The following C12orf75 variants were observed in gnomAD, a reference collection of about 807,000 sequenced individuals.
The protein encoded by C12orf75 is chromosome 12 open reading frame 75.
C12orf75 carries 4 observed loss-of-function variants against 11.4 expected under a neutral mutation model. The observed-to-expected ratio is 0.35, with a 90% CI of 0.17 to 0.80. The LOEUF (loss-of-function observed/expected upper bound fraction) is 0.80. Among genes scored for constraint, C12orf75 ranks in the 30% least tolerant of loss-of-function variants. C12orf75 has a pLI of 0.52. For missense variants in C12orf75, 89 were observed against 80.4 expected, an observed-to-expected ratio of 1.11 and a Z score of -0.41; for synonymous variants, 30 against 30.0, an observed-to-expected ratio of 1.00 and a Z score of 0.00.
chr12:105,343,733 T>C (rs1892602116), intron 1 of C12orf75, among the ~76,000 whole-genome samples: 4 of 152,192 alleles, frequency 2.6e-5, no homozygotes. Flanking sequence ...TTTTTTTCTT[T>C]TGGGAAGTTG....
At chr12:105,337,946 T>C (rs1452065073) in intron 1 of C12orf75, among the ~76,000 whole-genome samples, 1 of 152,188 alleles carries the variant, frequency 6.6e-6, no homozygotes, top group Non-Finnish European at 1.5e-5. Context: ...CATAGTTATC[T>C]TGGCTTCCAT....
intron 2 of C12orf75, among the ~76,000 whole-genome samples, chr12:105,359,315 A>G (rs1892827174): frequency 6.6e-6 from 1 of 152,134 alleles, no homozygotes; most frequent in African/African-American, 2.4e-5. Flanking sequence ...TATAAGCCTT[A>G]TCTTCAAGGT....
chr12:105,351,133 A>T, intron 2 of C12orf75, among the ~76,000 whole-genome samples: 1 of 152,214 alleles, frequency 6.6e-6, no homozygotes, highest in East Asian at 1.9e-4. Flanking sequence ...GAAGCTATAG[A>T]TTTATAAATC....
Position 105,347,655 on chromosome 12 carries a change from G to T in C12orf75, c.47-947G>T, listed in dbSNP as rs527768745. 7.2e-5 allele frequency among the ~76,000 whole-genome samples: 11 copies of T among 152,320 alleles called. No individual in the cohort carries two copies. In the East Asian group the frequency reaches 1.5e-3, roughly 21 times the overall value. On this transcript the variant is annotated intron_variant, in intron 1 of 5. Transcript: ENST00000443585. Reference sequence around the variant, plus strand: ...GCCCACCCAGATTAAGTGTGGGTCTGCCTCTCCCAGTCCACTGACTCAAAT... The same window carrying T: ...GCCCACCCAGATTAAGTGTGGGTCTTCCTCTCCCAGTCCACTGACTCAAAT...
chr12:105,343,718 C>CT (rs58150162), intron 1 of C12orf75, among the ~76,000 whole-genome samples: 28 of 146,182 alleles, frequency 1.9e-4, no homozygotes, highest in South Asian at 2.2e-4. Context: ...CATTTGCAAC[C>CT]TTTTTTTTTT....
intron 1 of C12orf75, among the ~76,000 whole-genome samples, chr12:105,335,635 C>T (rs1566135195): frequency 6.7e-6 from 1 of 150,156 alleles, no homozygotes; most frequent in African/African-American, 2.5e-5. Flanking sequence ...CGGCTGTATC[C>T]TCAGCCTCTA....
intron 1 of C12orf75, among the ~76,000 whole-genome samples, chr12:105,347,674 C>T (rs938183819): frequency 1.3e-5 from 2 of 152,246 alleles, no homozygotes; most frequent in Admixed American, 6.5e-5. Flanking sequence ...AGTCCACTGA[C>T]TCAAATGTTA....
intron 2 of C12orf75, among the ~76,000 whole-genome samples, chr12:105,354,754 G>C (rs1360261048): frequency 2.6e-5 from 4 of 152,132 alleles, no homozygotes; most frequent in Admixed American, 1.3e-4. Flanking sequence ...AATAGGAGCA[G>C]GAAGAGAGAG....
Position 105,367,469 on chromosome 12 carries a change from A to G in C12orf75, c.188-3A>G. ...TTTAACTTTTCTTAATTTTCTCTTT[A>G]AGATTAGAAGAAAATAACATCATGA... On this transcript the variant is annotated splice_polypyrimidine_tract_variant and splice_region_variant and intron_variant, in intron 4 of 5. Transcript: ENST00000443585. The G allele has an allele frequency of 1.2e-6, 1 of 834,832 alleles. No individual in the cohort carries two copies. The highest frequency in any genetic ancestry group is 1.8e-6 in the Non-Finnish European group (1 of 546,600). The allele number at this position is 834,832 out of a possible 1,614,324, so 51.7% of individuals were successfully genotyped here. A position where few individuals can be genotyped will look rare whatever the true frequency, so the allele number is the denominator to read the frequency against.
intron 2 of C12orf75, among the ~76,000 whole-genome samples, chr12:105,356,940 A>G (rs1259431526): frequency 1.3e-5 from 2 of 152,222 alleles, no homozygotes; most frequent in African/African-American, 4.8e-5. Flanking sequence ...CCATGCAGAT[A>G]TTTGGTTTTA....
intron 2 of C12orf75, among the ~76,000 whole-genome samples, chr12:105,355,759 G>A (rs1892772903): frequency 6.6e-6 from 1 of 152,194 alleles, no homozygotes; most frequent in South Asian, 2.1e-4. Flanking sequence ...ATTTCTTAAG[G>A]TAAGGAGATG....
At chr12:105,353,755 A>C (rs1460761198) in intron 2 of C12orf75, among the ~76,000 whole-genome samples, 1 of 152,226 alleles carries the variant, frequency 6.6e-6, no homozygotes, top group Non-Finnish European at 1.5e-5. Context: ...ACTCAAATAT[A>C]ATGTTTGCTG....
intron 1 of C12orf75, among the ~76,000 whole-genome samples, chr12:105,345,364 C>G (rs1011059509): frequency 4.6e-5 from 7 of 151,916 alleles, no homozygotes; most frequent in African/African-American, 1.7e-4. Context: ...GTGGTGCACG[C>G]CTGTAATCCC....
chr12:105,346,219 G>A (rs747528626), intron 1 of C12orf75, among the ~76,000 whole-genome samples: 2 of 151,960 alleles, frequency 1.3e-5, no homozygotes, highest in African/African-American at 4.8e-5. Context: ...TACAGGTATT[G>A]ATTGGCCTCT....
rs141506398 is a variant in C12orf75 at position 105,333,706 on chromosome 12, A to T, written c.46+2769A>T. 8.3e-3 allele frequency among the ~76,000 whole-genome samples: 1,259 copies of T among 152,284 alleles called. 20 individuals are homozygous for T. Among genetic ancestry groups the T allele is most frequent in the African/African-American group, 0.029 (1,201 of 41,542 alleles). ...ATAATTCGGTGTATCTTGTTTCATA[A>T]GGCTCATGTGAAACTCAAAAATAAC... On this transcript the variant is annotated intron_variant, in intron 1 of 5. Transcript: ENST00000443585.
At chr12:105,350,657 C>T (rs1215447902) in intron 2 of C12orf75, among the ~76,000 whole-genome samples, 3 of 152,072 alleles carry the variant, frequency 2.0e-5, no homozygotes, top group East Asian at 3.9e-4. Flanking sequence ...TATCGTAGTT[C>T]TTCATGTTCT....
chr12:105,336,362 T>C (rs1892499400), intron 1 of C12orf75, among the ~76,000 whole-genome samples: 1 of 152,258 alleles, frequency 6.6e-6, no homozygotes, highest in Admixed American at 6.5e-5. Context: ...GGCAATTTGC[T>C]GAGGCTGTCT....
intron 2 of C12orf75, among the ~76,000 whole-genome samples, chr12:105,362,720 C>T (rs537847996): frequency 6.6e-6 from 1 of 151,426 alleles, no homozygotes; most frequent in Non-Finnish European, 1.5e-5. Flanking sequence ...GTGCATGTTT[C>T]TCTAATGCAA....
chr12:105,330,816 G>A lies in C12orf75; in HGVS notation c.-76G>A. 8.2e-7 allele frequency: 1 copy of A among 1,219,018 alleles called. No individual in the cohort carries two copies. Among genetic ancestry groups the A allele is most frequent in the Non-Finnish European group, 1.0e-6 (1 of 978,986 alleles). 75.5% of individuals were successfully genotyped at this position (1,219,018 alleles called of 1,614,324 possible). ...GTCAGCCTCCCGCTCGGGGTGCGCC[G>A]CCCTTCGTCTGGGTCTCCGCCCCCA... On this transcript the variant is annotated 5_prime_UTR_variant, in exon 1 of 6. Coordinates refer to ENST00000443585, the MANE Select transcript of C12orf75 (RefSeq NM_001145199.2).
Sources: gnomAD v4.1 joint callset for allele counts (sites outside exome capture counted in the v4.1 genomes callset) on GRCh38, gnomAD v4.1.1 for gene constraint, MANE v1.5 for transcripts, NCBI Gene and HGNC (gene_info 2026-07-23, HGNC 2026-07-21) for gene names.